Variants in SAMD12 observed in about 807,000 individuals in gnomAD.
SAMD12 encodes sterile alpha motif domain containing 12.
In SAMD12, 9 loss-of-function variants were observed where a neutral mutation model predicts 15.0. The ratio of observed to expected loss-of-function variants is 0.60; its 90% CI spans 0.36 to 1.05. The LOEUF (loss-of-function observed/expected upper bound fraction) is 1.05, where lower values mean the gene tolerates loss of function less well. SAMD12 is among the 50% of genes least tolerant of loss of function. The pLI is 0.01. For synonymous variants in SAMD12, 86 were observed against 90.1 expected (o/e 0.96, Z 0.25); for missense variants, 230 against 234.2 (o/e 0.98, Z 0.12).
At chr8:118,168,750 C>G in the SAMD12 span, among the ~76,000 whole-genome samples, 1 of 151,972 alleles carries the variant, frequency 6.6e-6, no homozygotes, top group African/African-American at 2.4e-5. Flanking sequence ...ATTTCAAGAT[C>G]AACTGACCGG....
At chr8:118,176,105 T>C in the SAMD12 span, among the ~76,000 whole-genome samples, 1 of 152,042 alleles carries the variant, frequency 6.6e-6, no homozygotes, top group Non-Finnish European at 1.5e-5. Flanking sequence ...ATCGAGACCA[T>C]CCTGGCTAAC....
At chr8:118,245,249 G>A (rs190502763) in intron 4 of SAMD12, among the ~76,000 whole-genome samples, 3 of 152,214 alleles carry the variant, frequency 2.0e-5, no homozygotes, top group Admixed American at 1.3e-4. Context: ...AAGAAGCCTC[G>A]AGTTTCTGTG....
At chr8:118,452,596 G>A (rs1008914332) in intron 2 of SAMD12, among the ~76,000 whole-genome samples, 1 of 151,844 alleles carries the variant, frequency 6.6e-6, no homozygotes, top group Non-Finnish European at 1.5e-5. Context: ...ATAATAATGG[G>A]CCCTCATTTG....
At chr8:118,600,255 A>G (rs1827827036) in intron 1 of SAMD12, among the ~76,000 whole-genome samples, 2 of 152,190 alleles carry the variant, frequency 1.3e-5, no homozygotes, top group East Asian at 1.9e-4. Context: ...CTCCATACAC[A>G]ATACATTTGA....
chr8:118,278,889 T>C (rs1813536383), intron 4 of SAMD12, among the ~76,000 whole-genome samples: 1 of 152,198 alleles, frequency 6.6e-6, no homozygotes, highest in African/African-American at 2.4e-5. Flanking sequence ...GTGGCTCATA[T>C]AAGATGTTGT....
chr8:118,232,728 A>G (rs1218945383), intron 4 of SAMD12, among the ~76,000 whole-genome samples: 1 of 152,114 alleles, frequency 6.6e-6, no homozygotes, highest in African/African-American at 2.4e-5. Flanking sequence ...GGAGGCAAAG[A>G]GAAAGGGGAG....
At chr8:118,611,494 C>G (rs1215810138) in intron 1 of SAMD12, among the ~76,000 whole-genome samples, 2 of 152,178 alleles carry the variant, frequency 1.3e-5, no homozygotes, top group African/African-American at 4.8e-5. Flanking sequence ...ATCCCTGTCC[C>G]CGTCCCCATT....
intron 4 of SAMD12, among the ~76,000 whole-genome samples, chr8:118,330,063 A>G (rs915321984): frequency 1.3e-5 from 2 of 151,804 alleles, no homozygotes; most frequent in African/African-American, 4.8e-5. Context: ...CAATCACACA[A>G]TTTTTCTCTA....
chr8:118,148,184 C>T, the SAMD12 span, among the ~76,000 whole-genome samples: 1 of 151,940 alleles, frequency 6.6e-6, no homozygotes, highest in South Asian at 2.1e-4. Context: ...CTCCCCTAGG[C>T]CTGGGATTAC....
intron 2 of SAMD12, among the ~76,000 whole-genome samples, chr8:118,577,324 G>A (rs2131250167): frequency 6.6e-6 from 1 of 152,198 alleles, no homozygotes; most frequent in East Asian, 1.9e-4. Context: ...GTATTATTCT[G>A]CCCAAAATGA....
At chr8:118,396,674 A>C (rs930539218) in intron 3 of SAMD12, among the ~76,000 whole-genome samples, 6 of 152,240 alleles carry the variant, frequency 3.9e-5, no homozygotes, top group African/African-American at 1.4e-4. Context: ...CAGAGCAAAG[A>C]CAAGAACCAT....
chr8:118,479,187 A>C (rs1824050559), intron 2 of SAMD12, among the ~76,000 whole-genome samples: 1 of 152,078 alleles, frequency 6.6e-6, no homozygotes, highest in Non-Finnish European at 1.5e-5. Flanking sequence ...CTACCCTGTA[A>C]CCACACTGGC....
chr8:118,581,977 T>C (rs1827306996), intron 1 of SAMD12, among the ~76,000 whole-genome samples: 1 of 152,118 alleles, frequency 6.6e-6, no homozygotes, highest in Non-Finnish European at 1.5e-5. Flanking sequence ...TTCCCCTTTC[T>C]CAGCATTCTT....
chr8:118,389,920 G>C (rs1820177379), intron 3 of SAMD12, among the ~76,000 whole-genome samples: 1 of 152,096 alleles, frequency 6.6e-6, no homozygotes, highest in Non-Finnish European at 1.5e-5. Flanking sequence ...CATACTATGA[G>C]AGCCAAACAA....
intron 4 of SAMD12, among the ~76,000 whole-genome samples, chr8:118,314,244 G>A (rs1264178246): frequency 6.6e-6 from 1 of 152,164 alleles, no homozygotes; most frequent in Non-Finnish European, 1.5e-5. Context: ...GTGGTTGCCA[G>A]TGGAAACCTG....
At position 118,577,690 on chromosome 8, in the gene SAMD12, C is replaced by G. The variant is rs556808415; in HGVS notation, c.192+3025G>C. Among the ~76,000 whole-genome samples the G allele has an allele frequency of 1.2e-4, 18 of 152,216 alleles. No homozygotes were observed. The South Asian group carries it at 1.5e-3, about 12-fold the overall frequency. The stretch of plus-strand genomic sequence containing the variant: ...ACATTAGTGTAATACCTGGTCAGAG[C>G]TCTCGCATCCCAGAGTTCAGGTGAA... On this transcript the variant is annotated intron_variant, in intron 2 of 3. Coordinates refer to ENST00000314727, the MANE Select transcript of SAMD12 (RefSeq NM_207506.3).
chr8:118,137,926 A>ATT, the SAMD12 span, among the ~76,000 whole-genome samples: 9,690 of 148,962 alleles, frequency 0.065, 472 homozygotes, highest in Admixed American at 0.15. Context: ...ATGAGAAAGC[A>ATT]TTTTTTTTTT....
At chr8:118,550,654 A>G (rs1826298874) in intron 2 of SAMD12, among the ~76,000 whole-genome samples, 1 of 152,120 alleles carries the variant, frequency 6.6e-6, no homozygotes, top group African/African-American at 2.4e-5. Flanking sequence ...CATCATAATG[A>G]CAGGTTCAAA....
chr8:118,450,022 G>A (rs1334053100), intron 2 of SAMD12, among the ~76,000 whole-genome samples: 2 of 152,012 alleles, frequency 1.3e-5, no homozygotes, highest in African/African-American at 4.8e-5. Context: ...CTATTTCCAG[G>A]GACAGTCATG....
Sources: allele counts gnomAD v4.1 joint callset (sites outside exome capture counted in the v4.1 genomes callset), GRCh38; gene constraint gnomAD v4.1.1; transcripts MANE v1.5; gene names NCBI Gene and HGNC (gene_info 2026-07-23, HGNC 2026-07-21).